Variants in SEPTIN2 observed in about 807,000 individuals in gnomAD.
SEPTIN2 encodes septin-2.
A neutral mutation model predicts 46.5 loss-of-function variants in SEPTIN2; 34 were observed. The observed-to-expected ratio is 0.73, with a 90% CI of 0.56 to 0.97. The LOEUF (loss-of-function observed/expected upper bound fraction) is 0.97, where lower values mean the gene tolerates loss of function less well. Among genes scored for constraint, SEPTIN2 ranks in the 50% least tolerant of loss-of-function variants. The pLI is 0.00. For synonymous variants in SEPTIN2, 175 were observed against 153.4 expected, an observed-to-expected ratio of 1.14 and a Z score of -1.04; for missense variants, 347 against 448.4, an observed-to-expected ratio of 0.77 and a Z score of 2.04.
At chr2:241,316,401 C>CACTTA in intron 1 of SEPTIN2, 2 of 948,080 alleles carry the variant, frequency 2.1e-6, no homozygotes, top group Non-Finnish European at 2.9e-6. Context: ...GTCTTTCTAA[C>CACTTA]GGTGCCATTT....
chr2:241,337,049 A>C, intron 5 of SEPTIN2: 1 of 172,756 alleles, frequency 5.8e-6, no homozygotes, highest in Non-Finnish European at 1.2e-5. Context: ...AGCCGAGATC[A>C]CGCCACTGCA....
intron 1 of SEPTIN2, chr2:241,316,517 C>T (rs1259555435): frequency 3.9e-6 from 6 of 1,521,090 alleles, no homozygotes; most frequent in Non-Finnish European, 5.3e-6. Context: ...CTGCGGGTAC[C>T]TTCGGCGAGG....
intron 3 of SEPTIN2, among the ~76,000 whole-genome samples, chr2:241,331,476 A>G (rs2078999837): frequency 6.6e-6 from 1 of 151,966 alleles, no homozygotes; most frequent in Non-Finnish European, 1.5e-5. Context: ...GGCAACCTCC[A>G]CCTCCCAGGT....
chr2:241,339,564 C>T (rs904521028), intron 7 of SEPTIN2, among the ~76,000 whole-genome samples: 2 of 152,100 alleles, frequency 1.3e-5, no homozygotes, highest in South Asian at 4.1e-4. Flanking sequence ...CCTAATTCTT[C>T]CTGGATGCAC....
rs577017417 is a variant in SEPTIN2 at position 241,321,546 on chromosome 2, G to A, written c.-17-2670G>A. Among the ~76,000 whole-genome samples, 13 of 151,488 alleles carry A rather than the reference G, an allele frequency of 8.6e-5. No individual in the cohort carries two copies. The South Asian group carries it at 1.7e-3, about 19-fold the overall frequency. Reference sequence around the variant, plus strand: ...TGTTCCTTTTGCTTTAAGCATATACGTTATAGCTGGACGGTTTGTTGTTTT... The same window carrying A: ...TGTTCCTTTTGCTTTAAGCATATACATTATAGCTGGACGGTTTGTTGTTTT... On this transcript the variant is annotated intron_variant, in intron 1 of 12. Coordinates refer to ENST00000391971, the MANE Select transcript of SEPTIN2 (RefSeq NM_004404.5).
intron 10 of SEPTIN2, 142 bp downstream of exon 10, chr2:241,346,391 T>C (rs2060236363): frequency 1.8e-6 from 1 of 550,494 alleles, no homozygotes; most frequent in Non-Finnish European, 3.2e-6. Context: ...AAAAGAGTTG[T>C]TAATTTAATC....
chr2:241,350,957 G>C (rs1180855781), intron 12 of SEPTIN2, among the ~76,000 whole-genome samples: 1 of 152,114 alleles, frequency 6.6e-6, no homozygotes, highest in African/African-American at 2.4e-5. Context: ...CAAAGAAGAG[G>C]GTAGGTCACA....
At chr2:241,343,131 C>T (rs2081478872) in intron 8 of SEPTIN2, 38 bp downstream of exon 8, 1 of 1,103,712 alleles carries the variant, frequency 9.1e-7, no homozygotes, top group Admixed American at 1.8e-5. Flanking sequence ...TAAATAACTC[C>T]TGTTTACTGT....
intron 5 of SEPTIN2, 76 bp downstream of exon 5, chr2:241,336,174 G>A: frequency 2.8e-6 from 4 of 1,415,912 alleles, no homozygotes; most frequent in Non-Finnish European, 3.9e-6. Flanking sequence ...GTGTTAATGA[G>A]TGATTATTAA....
At chr2:241,323,682 T>C (rs2149872319) in intron 1 of SEPTIN2, among the ~76,000 whole-genome samples, 1 of 152,366 alleles carries the variant, frequency 6.6e-6, no homozygotes, top group Non-Finnish European at 1.5e-5. Flanking sequence ...GTTAAAAGAA[T>C]TCATTTAAGT....
intron 1 of SEPTIN2, among the ~76,000 whole-genome samples, chr2:241,322,899 C>A (rs369360128): frequency 3.9e-5 from 6 of 151,922 alleles, no homozygotes; most frequent in Non-Finnish European, 8.8e-5. Context: ...AGTATGTATC[C>A]GTGTGTATCC....
rs1231181091 is a variant in SEPTIN2, at chr2:241,348,141, G to C, written c.934G>C (p.Glu312Gln). Residue 312 changes from glutamate (E) to glutamine (Q), a missense_variant, in exon 11 of 13, where the codon GAG becomes CAG. By Grantham distance (29) the Glu-to-Gln change is conservative. Coordinates refer to ENST00000391971, the MANE Select transcript of SEPTIN2 (RefSeq NM_004404.5). ...ATTTCTTTCGATTCTTAGGAAAGTG[G>C]AGAATGAGGACATGAATAAAGACCA... ...ERLKRGGRKV[E>Q]NEDMNKDQIL... 1.2e-6 allele frequency: 2 copies of C among 1,612,178 alleles called. No homozygotes were observed. Among genetic ancestry groups the C allele is most frequent in the African/African-American group, 2.7e-5 (2 of 74,828 alleles).
chr2:241,345,275 T>G (rs1181290671), intron 9 of SEPTIN2, among the ~76,000 whole-genome samples: 17 of 152,216 alleles, frequency 1.1e-4, no homozygotes, highest in Admixed American at 9.2e-4. Flanking sequence ...CAATTTGTAG[T>G]GAGTTAAAAT....
At chr2:241,324,185 T>C in intron 1 of SEPTIN2, 31 bp from the exon 2 acceptor site, 2 of 1,605,910 alleles carry the variant, frequency 1.2e-6, no homozygotes. Flanking sequence ...TATGTGCGTT[T>C]ATGTGTGTCT....
Position 241,349,235 on chromosome 2 carries a change from G to A in SEPTIN2, c.985-838G>A, listed in dbSNP as rs180717246. ...TAAAAAATAATTAGCCATGCATGTC[G>A]GCATGCACCTGTAGTCCCAGCTACT... On this transcript the variant is annotated intron_variant, in intron 11 of 12. Coordinates refer to ENST00000391971, the MANE Select transcript of SEPTIN2 (RefSeq NM_004404.5). Among the ~76,000 whole-genome samples the A allele has an allele frequency of 5.9e-5, 9 of 151,866 alleles. No individual in the cohort carries two copies. The East Asian group carries it at 1.7e-3, about 29-fold the overall frequency.
intron 7 of SEPTIN2, among the ~76,000 whole-genome samples, chr2:241,339,336 G>T (rs1407160832): frequency 6.7e-6 from 1 of 149,730 alleles, no homozygotes; most frequent in Non-Finnish European, 1.5e-5. Flanking sequence ...GAGGTTGTTT[G>T]CAGTCCAGCC....
rs16843840 is a variant in SEPTIN2, at chr2:241,352,309, A to ATC, written c.*374_*375dup. On this transcript the variant is annotated 3_prime_UTR_variant, in exon 13 of 13. Coordinates refer to ENST00000391971, the MANE Select transcript of SEPTIN2 (RefSeq NM_004404.5). ...CCATTGATGAGCACTCCTGATTTTT[A>ATC]TCTAGAACATTCAGATTTACCATAA... 3.9e-3 allele frequency: 593 copies of ATC among 152,736 alleles called. 10 individuals are homozygous for ATC. Among genetic ancestry groups the ATC allele is most frequent in the East Asian group, 9.3e-3 (48 of 5,180 alleles). 9.5% of individuals were successfully genotyped at this position (152,736 alleles called of 1,614,324 possible). A position where few individuals can be genotyped will look rare whatever the true frequency, so the allele number is the denominator to read the frequency against.
rs776099580 is a variant in SEPTIN2, at chr2:241,324,257, A to T, written c.9+16A>T. On this transcript the variant is annotated intron_variant, in intron 2 of 12. Transcript: ENST00000391971. ...GATGTCTAAGGTAAGATCATACTTC[A>T]TGTATCTACAGCATAAGGAGAAATT... The T allele has an allele frequency of 6.2e-7, 1 of 1,605,144 alleles. No homozygotes were observed. The highest frequency in any genetic ancestry group is 1.3e-5 in the African/African-American group (1 of 74,636).
intron 3 of SEPTIN2, among the ~76,000 whole-genome samples, chr2:241,332,060 A>G (rs2079087459): frequency 6.6e-6 from 1 of 152,254 alleles, no homozygotes; most frequent in Non-Finnish European, 1.5e-5. Context: ...ACTGTATATC[A>G]CAACCTGAAA....
Sources: allele counts gnomAD v4.1 joint callset (sites outside exome capture counted in the v4.1 genomes callset), GRCh38; gene constraint gnomAD v4.1.1; transcripts MANE v1.5; gene names NCBI Gene and HGNC (gene_info 2026-07-23, HGNC 2026-07-21).